Variants in PPP1CC observed in about 807,000 individuals in gnomAD.
PPP1CC encodes protein phosphatase 1 catalytic subunit gamma.
PPP1CC carries 16 observed loss-of-function variants against 38.4 expected under a neutral mutation model. The observed-to-expected ratio is 0.42, with a 90% CI of 0.28 to 0.63. PPP1CC has a LOEUF of 0.63. Ranked by LOEUF, PPP1CC falls within the 30% of genes least tolerant of loss-of-function variation. PPP1CC has a pLI of 0.25. For missense variants in PPP1CC, 170 were observed against 391.3 expected, an observed-to-expected ratio of 0.43 and a Z score of 4.77; for synonymous variants, 158 against 136.0, an observed-to-expected ratio of 1.16 and a Z score of -1.13.
chr12:110,725,965 G>A (rs2069793782), intron 3 of PPP1CC: 1 of 152,458 alleles, frequency 6.6e-6, no homozygotes, highest in Non-Finnish European at 1.5e-5. Context: ...GGGAGGCTAA[G>A]GCAGAAGAGT....
chr12:110,729,143 C>G (rs1238609154), intron 3 of PPP1CC, among the ~76,000 whole-genome samples: 1 of 149,100 alleles, frequency 6.7e-6, no homozygotes, highest in African/African-American at 2.5e-5. Context: ...GGTAAAGATT[C>G]AAAACCTTTT....
At chr12:110,728,302 G>A (rs950887971) in intron 3 of PPP1CC, among the ~76,000 whole-genome samples, 3 of 151,814 alleles carry the variant, frequency 2.0e-5, no homozygotes, top group Non-Finnish European at 4.4e-5. Context: ...GGGAGGCTGA[G>A]GCAGGAGAAT....
intron 1 of PPP1CC, chr12:110,732,531 A>T (rs1328452253): frequency 6.6e-6 from 1 of 152,304 alleles, no homozygotes; most frequent in Admixed American, 6.5e-5. Context: ...TTTACCTATG[A>T]AAAAATGTTA....
chr12:110,739,706 A>C (rs537574831), intron 1 of PPP1CC, among the ~76,000 whole-genome samples: 1 of 152,322 alleles, frequency 6.6e-6, no homozygotes, highest in South Asian at 2.1e-4. Context: ...CAAAGCAAAG[A>C]TGCTTCTTGC....
the PPP1CC span, among the ~76,000 whole-genome samples, chr12:110,714,301 C>CA: frequency 6.6e-6 from 1 of 152,058 alleles, no homozygotes; most frequent in South Asian, 2.1e-4. Flanking sequence ...AAGTAATACC[C>CA]AATGGCCCTA....
At chr12:110,734,943 T>G (rs1319511079) in intron 1 of PPP1CC, 1 of 128,032 alleles carries the variant, frequency 7.8e-6, no homozygotes, top group East Asian at 2.5e-4. Flanking sequence ...TGAGCTGAGA[T>G]CGTGCAACTG....
At chr12:110,724,575 A>T in intron 4 of PPP1CC, 85 bp downstream of exon 4, 1 of 777,624 alleles carries the variant, frequency 1.3e-6, no homozygotes, top group South Asian at 1.5e-5. Context: ...AGAGAAAGTC[A>T]TCCCAATGAT....
chr12:110,722,680 A>C lies in PPP1CC; in HGVS notation c.539T>G (p.Leu180Arg). The C allele has an allele frequency of 6.2e-7, 1 of 1,612,888 alleles. No individual in the cohort carries two copies. Among genetic ancestry groups the C allele is most frequent in the Non-Finnish European group, 8.5e-7 (1 of 1,179,488 alleles). ...FCCHGGLSPD[L>R]QSMEQIRRIM... ...TCGCCGAATCTGCTCCATAGATTGAAGATCTGGTGATAAACCTATTCAATG... is the reference window on the plus strand; with the variant it reads ...TCGCCGAATCTGCTCCATAGATTGACGATCTGGTGATAAACCTATTCAATG... Residue 180 changes from leucine (L) to arginine (R), a missense_variant, in exon 5 of 7, where the codon CTT (leucine) becomes CGT (arginine). Around this residue, in one of 3 missense-constraint regions of PPP1CC, gnomAD observed 117 missense variants for 344.4 expected, o/e 0.34. Transcript: ENST00000335007. This position sits in a 1 kb window ranked among gnomAD's most constrained non-coding sequence, Gnocchi z 5.4.
chr12:110,715,548 A>G (rs1431782267), downstream of PPP1CC, among the ~76,000 whole-genome samples: 1 of 151,898 alleles, frequency 6.6e-6, no homozygotes, highest in Non-Finnish European at 1.5e-5. Flanking sequence ...CATACTGGAA[A>G]AAAATTTAAT....
In PPP1CC at chr12:110,722,444, G is replaced by C; in HGVS notation, c.747+28C>G. On this transcript the variant is annotated intron_variant, in intron 5 of 6. Transcript: ENST00000335007. This position sits in a 1 kb window ranked among gnomAD's most constrained non-coding sequence, Gnocchi z 5.4. ...TCTGTGCTCACACACATGCTCTTAA[G>C]TGTACATGTAAAATTCAAAATCAAT... 6.3e-7 allele frequency: 1 copy of C among 1,597,440 alleles called. No individual in the cohort carries two copies. Among genetic ancestry groups the C allele is most frequent in the African/African-American group, 1.3e-5 (1 of 74,762 alleles).
At chr12:110,730,177 G>A (rs932904766) in intron 3 of PPP1CC, among the ~76,000 whole-genome samples, 2 of 152,228 alleles carry the variant, frequency 1.3e-5, no homozygotes, top group African/African-American at 4.8e-5. Context: ...GGGCAACAAG[G>A]TGAAACCCCA....
At position 110,724,854 on chromosome 12, in the gene PPP1CC, ATTCTGGGT is replaced by A. The variant is rs2069778244; in HGVS notation, c.419-98_419-91del. On this transcript the variant is annotated intron_variant, in intron 3 of 6. Transcript: ENST00000335007. ...CAGGATTAACTTCCCCCAAAGCAAG[ATTCTGGGT>A]GCCTTTTAAGCAAATGAAACTATGT... 9.8e-5 allele frequency: 67 copies of A among 682,034 alleles called. 1 individual carries two copies. The South Asian group carries it at 1.2e-3, about 12-fold the overall frequency. The allele number at this position is 682,034 out of a possible 1,614,324, so 42.2% of individuals were successfully genotyped here. A position where few individuals can be genotyped will look rare whatever the true frequency, so the allele number is the denominator to read the frequency against.
intron 1 of PPP1CC, chr12:110,732,118 G>GTA (rs2069879681): frequency 1.7e-6 from 1 of 585,182 alleles, no homozygotes; most frequent in Non-Finnish European, 3.0e-6. Context: ...TTCTTTTATA[G>GTA]TATTCCAAAA....
At chr12:110,726,971 C>A (rs186453176) in intron 3 of PPP1CC, among the ~76,000 whole-genome samples, 3 of 152,288 alleles carry the variant, frequency 2.0e-5, no homozygotes, top group African/African-American at 7.2e-5. Context: ...TGGGGTCTCA[C>A]TGCATCACCT....
rs1210482329 is a variant in PPP1CC at position 110,720,814 on chromosome 12, TGTACAG to T, written c.*256_*261del. 8.6e-6 allele frequency: 3 copies of T among 349,910 alleles called. No individual in the cohort carries two copies. The highest frequency in any genetic ancestry group is 6.3e-5 in the African/African-American group (3 of 47,666). 21.7% of individuals were successfully genotyped at this position (349,910 alleles called of 1,614,324 possible). On this transcript the variant is annotated 3_prime_UTR_variant, in exon 7 of 7. Coordinates refer to ENST00000335007, the MANE Select transcript of PPP1CC (RefSeq NM_002710.4). ...TCAGACAGGATAAACTGTCCTGGGG[TGTACAG>T]CTTTAACACCATCATTAAAATTGTT...
chr12:110,715,333 T>C (rs1251671600), downstream of PPP1CC, among the ~76,000 whole-genome samples: 2 of 152,042 alleles, frequency 1.3e-5, no homozygotes, highest in African/African-American at 2.4e-5. Context: ...TCAAAAATTA[T>C]TTTTTGAGAC....
Position 110,720,991 on chromosome 12 carries a change from G to T in PPP1CC, c.*85C>A. 8.4e-7 allele frequency: 1 copy of T among 1,197,206 alleles called. No homozygotes were observed. The highest frequency in any genetic ancestry group is 1.2e-6 in the Non-Finnish European group (1 of 827,364). 74.2% of individuals were successfully genotyped at this position (1,197,206 alleles called of 1,614,324 possible). A position where few individuals can be genotyped will look rare whatever the true frequency, so the allele number is the denominator to read the frequency against. On this transcript the variant is annotated 3_prime_UTR_variant, in exon 7 of 7. Coordinates refer to ENST00000335007, the MANE Select transcript of PPP1CC (RefSeq NM_002710.4). ...CACAAACACAGATCTATCTGAGCAA[G>T]CTGACCAGTACACATTACAGTCTTA...
chr12:110,732,134 GC>G (rs1353605083), intron 1 of PPP1CC: 2 of 570,602 alleles, frequency 3.5e-6, no homozygotes, highest in Non-Finnish European at 6.1e-6. Flanking sequence ...CAAAAAAGGA[GC>G]CATCCTGTCT....
intron 1 of PPP1CC, chr12:110,732,991 T>G (rs544997976): frequency 3.9e-5 from 6 of 152,154 alleles, no homozygotes; most frequent in East Asian, 1.9e-4. Flanking sequence ...GATAAAAATA[T>G]TATACAACAA....
Sources: gnomAD v4.1 joint callset for allele counts (sites outside exome capture counted in the v4.1 genomes callset) on GRCh38, gnomAD v4.1.1 for gene constraint, gnomAD v4.1.1 regional missense constraint, Gnocchi (gnomAD v3.1) non-coding constraint, MANE v1.5 for transcripts, NCBI Gene and HGNC (gene_info 2026-07-23, HGNC 2026-07-21) for gene names.